Variants in NCR3LG1 observed in about 807,000 individuals in gnomAD.
NCR3LG1 encodes the protein natural cytotoxicity triggering receptor 3 ligand 1.
A neutral mutation model predicts 34.8 loss-of-function variants in NCR3LG1; 35 were observed. That is an observed-to-expected ratio of 1.01 (90% CI 0.77 to 1.33). The LOEUF (loss-of-function observed/expected upper bound fraction) is 1.33. NCR3LG1 is among the 40% of genes most tolerant of loss of function. The probability of loss-of-function intolerance (pLI) is 0.00; values close to 1 mark genes in which losing one functional copy is unlikely to be tolerated. For missense variants in NCR3LG1, 452 were observed against 423.3 expected (o/e 1.07, Z -0.60); for synonymous variants, 173 against 163.6 (o/e 1.06, Z -0.44).
chr11:17,362,973 T>G (rs1591682208), intron 2 of NCR3LG1, among the ~76,000 whole-genome samples: 1 of 140,914 alleles, frequency 7.1e-6, no homozygotes. Context: ...CAGGCTGGAG[T>G]GCAGTGGTGC....
At chr11:17,380,589 G>GA (rs1421517451), downstream of NCR3LG1, 1 of 152,058 alleles carries the variant, frequency 6.6e-6, no homozygotes, top group African/African-American at 2.4e-5. Flanking sequence ...GGGCTCAAGC[G>GA]ATACTCCCAC....
chr11:17,353,269 G>C (rs1345551848), intron 1 of NCR3LG1, among the ~76,000 whole-genome samples: 1 of 152,248 alleles, frequency 6.6e-6, no homozygotes, highest in Non-Finnish European at 1.5e-5. Flanking sequence ...CGATGGGAGA[G>C]GGAAGTGGAA....
At chr11:17,371,895 A>G in intron 4 of NCR3LG1, 111 bp from the exon 5 acceptor site, 1 of 606,736 alleles carries the variant, frequency 1.6e-6, no homozygotes. Flanking sequence ...ACCTGAGGAA[A>G]TGGGAGGGAA....
At chr11:17,369,037 A>G in intron 4 of NCR3LG1, 73 bp downstream of exon 4, 1 of 928,700 alleles carries the variant, frequency 1.1e-6, no homozygotes, top group African/African-American at 1.7e-5. Context: ...GCTGCTGCCA[A>G]CCTTACAAGC....
rs561426734 is a variant in NCR3LG1 at position 17,357,777 on chromosome 11, G to C, written c.421+776G>C. Among the ~76,000 whole-genome samples the C allele has an allele frequency of 2.6e-5, 4 of 152,150 alleles. No individual in the cohort carries two copies. The South Asian group carries it at 8.3e-4, about 32-fold the overall frequency. ...GGCTGGAGAGCATGGCACAATCATA[G>C]CTCACTGTAACCTCAAACTCCAGGG... On this transcript the variant is annotated intron_variant, in intron 2 of 4. Transcript: ENST00000338965.
At chr11:17,370,917 C>T (rs529075559) in intron 4 of NCR3LG1, among the ~76,000 whole-genome samples, 9 of 152,290 alleles carry the variant, frequency 5.9e-5, no homozygotes, top group African/African-American at 1.4e-4. Context: ...GCCTTAGTAA[C>T]GAGGAATGTA....
intron 2 of NCR3LG1, among the ~76,000 whole-genome samples, chr11:17,365,605 G>C (rs1199030278): frequency 6.6e-6 from 1 of 152,106 alleles, no homozygotes; most frequent in African/African-American, 2.4e-5. Context: ...GAGATGGAGG[G>C]AATAATCTAG....
intron 2 of NCR3LG1, among the ~76,000 whole-genome samples, chr11:17,363,555 C>A (rs1953310486): frequency 8.7e-6 from 1 of 114,788 alleles, no homozygotes; most frequent in Non-Finnish European, 1.7e-5. Flanking sequence ...TTCCTTCCTT[C>A]CTTCCTTCCT....
chr11:17,368,866 G>T lies in NCR3LG1; in HGVS notation c.761-1G>T, dbSNP rs1953376867. 2 of 1,527,132 alleles carry T rather than the reference G, an allele frequency of 1.3e-6. No individual in the cohort carries two copies. Among genetic ancestry groups the T allele is most frequent in the Non-Finnish European group, 1.8e-6 (2 of 1,138,718 alleles). 94.6% of individuals were successfully genotyped at this position (1,527,132 alleles called of 1,614,324 possible). A position where few individuals can be genotyped will look rare whatever the true frequency, so the allele number is the denominator to read the frequency against. On this transcript the variant is annotated splice_acceptor_variant, in intron 3 of 4. Coordinates refer to ENST00000338965, the MANE Select transcript of NCR3LG1 (RefSeq NM_001202439.3). LOFTEE classifies it high-confidence loss of function. ...CTAATGTTTTCCTTCTCTCTCTGCA[G>T]AAACTGAGAAGACAGATAATTTTTC...
rs920482588 is a variant in NCR3LG1, at chr11:17,374,625, G to A, written c.*2113G>A. On this transcript the variant is annotated 3_prime_UTR_variant, in exon 5 of 5. Coordinates refer to ENST00000338965, the MANE Select transcript of NCR3LG1 (RefSeq NM_001202439.3). The stretch of plus-strand genomic sequence containing the variant: ...TCAGAAGGGAACAAGAGCACTAGGC[G>A]AGGAGAGGATTAATCCCATTTCCTC... 1.2e-4 allele frequency: 18 copies of A among 152,130 alleles called. No homozygotes were observed. The highest frequency in any genetic ancestry group is 3.9e-4 in the African/African-American group (16 of 41,404). The allele number at this position is 152,130 out of a possible 1,614,324, so 9.4% of individuals were successfully genotyped here. A position where few individuals can be genotyped will look rare whatever the true frequency, so the allele number is the denominator to read the frequency against.
chr11:17,352,391 A>C (rs113225194), intron 1 of NCR3LG1, among the ~76,000 whole-genome samples: 3 of 152,044 alleles, frequency 2.0e-5, no homozygotes, highest in Non-Finnish European at 4.4e-5. Flanking sequence ...AGTGTTAGCC[A>C]AGATGGTCTC....
intron 2 of NCR3LG1, among the ~76,000 whole-genome samples, chr11:17,362,507 T>A (rs1953279265): frequency 6.6e-6 from 1 of 152,206 alleles, no homozygotes. Context: ...GTTCCCTCTG[T>A]CTACTTCTAC....
chr11:17,356,400 G>A (rs1001013311), intron 1 of NCR3LG1, among the ~76,000 whole-genome samples: 20 of 151,956 alleles, frequency 1.3e-4, no homozygotes, highest in Non-Finnish European at 2.6e-4. Flanking sequence ...GCCTCCCAAA[G>A]TGCTGGGATT....
chr11:17,352,240 G>T (rs1180238637), intron 1 of NCR3LG1, among the ~76,000 whole-genome samples: 2 of 149,000 alleles, frequency 1.3e-5, no homozygotes, highest in Non-Finnish European at 3.0e-5. Flanking sequence ...GAGTGAAGTG[G>T]CGCGATCTCG....
chr11:17,379,751 A>G (rs1953503998), downstream of NCR3LG1, among the ~76,000 whole-genome samples: 1 of 152,226 alleles, frequency 6.6e-6, no homozygotes, highest in Admixed American at 6.5e-5. Context: ...CATTTTAAAT[A>G]TTACATTAAT....
In NCR3LG1 at chr11:17,373,985, C is replaced by T. The variant is rs778503912; in HGVS notation, c.*1473C>T. On this transcript the variant is annotated 3_prime_UTR_variant, in exon 5 of 5. Coordinates refer to ENST00000338965, the MANE Select transcript of NCR3LG1 (RefSeq NM_001202439.3). Reference sequence around the variant, plus strand: ...TCCCACTTTTTTTCCTAACCAGAGACAATACCCTCTGAAGCCAGAAAGTAG... The same window carrying T: ...TCCCACTTTTTTTCCTAACCAGAGATAATACCCTCTGAAGCCAGAAAGTAG... The T allele has an allele frequency of 6.6e-6, 1 of 152,152 alleles. No individual in the cohort carries two copies. Among genetic ancestry groups the T allele is most frequent in the African/African-American group, 2.4e-5 (1 of 41,400 alleles). The allele number at this position is 152,152 out of a possible 1,614,324, so 9.4% of individuals were successfully genotyped here.
At position 17,376,025 on chromosome 11, in the gene NCR3LG1, T is replaced by A. The variant is rs1230779728; in HGVS notation, c.*3513T>A. On this transcript the variant is annotated 3_prime_UTR_variant, in exon 5 of 5. Coordinates refer to ENST00000338965, the MANE Select transcript of NCR3LG1 (RefSeq NM_001202439.3). The stretch of plus-strand genomic sequence containing the variant: ...AGACATCAGTGCATCCAAAGATTGT[T>A]CTCAGGAGAAAATCTACTAAAAATG... 1 of 152,194 alleles carries A rather than the reference T, an allele frequency of 6.6e-6. No homozygotes were observed. The highest frequency in any genetic ancestry group is 1.9e-4 in the East Asian group (1 of 5,194). 9.4% of individuals were successfully genotyped at this position (152,194 alleles called of 1,614,324 possible). A position where few individuals can be genotyped will look rare whatever the true frequency, so the allele number is the denominator to read the frequency against.
At chr11:17,378,193 A>G (rs1953493205), downstream of NCR3LG1, among the ~76,000 whole-genome samples, 1 of 152,196 alleles carries the variant, frequency 6.6e-6, no homozygotes, top group Non-Finnish European at 1.5e-5. Flanking sequence ...CCTTATGGCC[A>G]AAGTAGGGGG....
At chr11:17,362,691 CCTTTCTTT>C (rs757163762) in intron 2 of NCR3LG1, among the ~76,000 whole-genome samples, 5,049 of 32,362 alleles carry the variant, frequency 0.16, 227 homozygotes, top group Non-Finnish European at 0.16. Flanking sequence ...TTCCTTCCTT[CCTTTCTTT>C]CTTTCTTTCT....
Sources: gnomAD v4.1 joint callset for allele counts (sites outside exome capture counted in the v4.1 genomes callset) on GRCh38, gnomAD v4.1.1 for gene constraint, MANE v1.5 for transcripts, NCBI Gene and HGNC (gene_info 2026-07-23, HGNC 2026-07-21) for gene names.